Variants in CCDC50 observed in about 807,000 individuals in gnomAD.
The protein encoded by CCDC50 is coiled-coil domain containing 50, also known as coiled-coil domain-containing protein 50.
A neutral mutation model predicts 70.2 loss-of-function variants in CCDC50; 54 were observed. The observed-to-expected ratio is 0.77, with a 90% confidence interval of 0.62 to 0.96. The LOEUF (loss-of-function observed/expected upper bound fraction) is 0.96. CCDC50 is among the 50% of genes least tolerant of loss of function. CCDC50 has a pLI of 0.00. For synonymous variants in CCDC50, 216 were observed against 198.8 expected, an observed-to-expected ratio of 1.09 and a Z score of -0.73; for missense variants, 558 against 578.7, an observed-to-expected ratio of 0.96 and a Z score of 0.37.
intron 10 of CCDC50, among the ~76,000 whole-genome samples, chr3:191,388,736 A>G (rs971203918): frequency 6.6e-6 from 1 of 152,196 alleles, no homozygotes; most frequent in Non-Finnish European, 1.5e-5. Context: ...GGCCTACAGT[A>G]TGGTTATATT....
At chr3:191,331,103 T>C (rs1316291666) in intron 1 of CCDC50, among the ~76,000 whole-genome samples, 1 of 152,212 alleles carries the variant, frequency 6.6e-6, no homozygotes, top group Non-Finnish European at 1.5e-5. Flanking sequence ...AGAGATTGTC[T>C]GGTTATCCTT....
At chr3:191,353,978 A>T (rs1712189674) in intron 1 of CCDC50, among the ~76,000 whole-genome samples, 1 of 152,150 alleles carries the variant, frequency 6.6e-6, no homozygotes, top group Admixed American at 6.6e-5. Flanking sequence ...TGCTGTTGAG[A>T]TAGTAAGAAA....
chr3:191,391,013 T>A (rs1194310674), intron 11 of CCDC50, among the ~76,000 whole-genome samples: 1 of 152,254 alleles, frequency 6.6e-6, no homozygotes, highest in Non-Finnish European at 1.5e-5. Flanking sequence ...CTTCCTCATC[T>A]GCAAAATGGA....
chr3:191,391,442 CACCTCA>C (rs1713690145), intron 11 of CCDC50, among the ~76,000 whole-genome samples: 1 of 152,174 alleles, frequency 6.6e-6, no homozygotes, highest in Non-Finnish European at 1.5e-5. Flanking sequence ...CAACACATCC[CACCTCA>C]ACTTCCATCA....
chr3:191,365,401 CA>C (rs1162038619), intron 4 of CCDC50, among the ~76,000 whole-genome samples: 1 of 151,938 alleles, frequency 6.6e-6, no homozygotes, highest in Non-Finnish European at 1.5e-5. Flanking sequence ...GAGGCTAGAT[CA>C]AACAGTAATA....
At chr3:191,341,753 G>A (rs1711740502) in intron 1 of CCDC50, among the ~76,000 whole-genome samples, 8 of 152,154 alleles carry the variant, frequency 5.3e-5, no homozygotes, top group Admixed American at 5.2e-4. Context: ...TTGTGAAACT[G>A]CATGGAGAGC....
chr3:191,383,898 G>A (rs1419189107), intron 10 of CCDC50, among the ~76,000 whole-genome samples: 2 of 152,130 alleles, frequency 1.3e-5, no homozygotes, highest in Admixed American at 1.3e-4. Context: ...AGTAAAAGAA[G>A]CAGCAGCTAA....
intron 10 of CCDC50, among the ~76,000 whole-genome samples, chr3:191,385,704 G>T (rs1713468934): frequency 6.8e-6 from 1 of 147,484 alleles, no homozygotes; most frequent in African/African-American, 2.5e-5. Flanking sequence ...TTGTTTTGGG[G>T]GTCTTCTTAA....
chr3:191,340,618 C>T (rs1711687793), intron 1 of CCDC50, among the ~76,000 whole-genome samples: 2 of 152,154 alleles, frequency 1.3e-5, no homozygotes, highest in African/African-American at 4.8e-5. Context: ...TAGAATTCTA[C>T]TTTACTTTCT....
Position 191,380,877 on chromosome 3 carries a change from C to A in CCDC50, c.1187C>A (p.Ala396Asp), listed in dbSNP as rs766303798. 6 of 1,612,706 alleles carry A rather than the reference C, an allele frequency of 3.7e-6. No individual in the cohort carries two copies. Among genetic ancestry groups the A allele is most frequent in the Non-Finnish European group, 5.1e-6 (6 of 1,179,254 alleles). ...MAEEKKAYKKAKEREKSSLDK... is the reference protein window; with the variant it reads ...MAEEKKAYKKDKEREKSSLDK... ...GAAGAAAAGAAAGCTTACAAAAAAG[C>A]CAAGGAGCGGGAGAAATCATCTTTG... Residue 396 changes from alanine (A) to aspartate (D), a missense_variant, in exon 9 of 12, where the codon GCC (alanine) becomes GAC (aspartate). Coordinates refer to ENST00000392455, the MANE Select transcript of CCDC50 (RefSeq NM_178335.3).
At chr3:191,365,856 A>G (rs1048884601) in intron 4 of CCDC50, among the ~76,000 whole-genome samples, 15 of 152,218 alleles carry the variant, frequency 9.9e-5, no homozygotes, top group Non-Finnish European at 1.8e-4. Flanking sequence ...TTTAAATGAT[A>G]TAAATCATAT....
chr3:191,381,855 C>T (rs1484654488), intron 9 of CCDC50, among the ~76,000 whole-genome samples: 1 of 152,076 alleles, frequency 6.6e-6, no homozygotes, highest in African/African-American at 2.4e-5. Context: ...GGTCCCACCT[C>T]ACAGTCTCAG....
intron 3 of CCDC50, among the ~76,000 whole-genome samples, chr3:191,360,516 G>A (rs1024957971): frequency 3.3e-5 from 5 of 152,144 alleles, no homozygotes; most frequent in African/African-American, 1.2e-4. Context: ...AACTAAGTCC[G>A]TGATTTTGTG....
At position 191,333,608 on chromosome 3, in the gene CCDC50, G is replaced by A. The variant is rs527633594; in HGVS notation, c.49+3885G>A. On this transcript the variant is annotated intron_variant, in intron 1 of 11. Coordinates refer to ENST00000392455, the MANE Select transcript of CCDC50 (RefSeq NM_178335.3). Reference sequence around the variant, plus strand: ...TTGGAGCTAGGAGGTTTATGTCTTAGTTATCTTGCTGTACCCTCATTTGGA... The same window carrying A: ...TTGGAGCTAGGAGGTTTATGTCTTAATTATCTTGCTGTACCCTCATTTGGA... 2.4e-4 allele frequency among the ~76,000 whole-genome samples: 36 copies of A among 152,246 alleles called. 1 individual carries two copies. Among genetic ancestry groups the A allele is most frequent in the Non-Finnish European group, 3.8e-4 (26 of 67,974 alleles).
intron 10 of CCDC50, among the ~76,000 whole-genome samples, chr3:191,383,286 A>T (rs961034038): frequency 5.3e-5 from 8 of 152,080 alleles, no homozygotes; most frequent in Non-Finnish European, 1.0e-4. Flanking sequence ...TCTAAATCCC[A>T]CTCAACAAAT....
intron 1 of CCDC50, among the ~76,000 whole-genome samples, chr3:191,354,237 C>T (rs1576956244): frequency 6.6e-6 from 1 of 151,484 alleles, no homozygotes; most frequent in Admixed American, 6.6e-5. Context: ...TATCTTTTCT[C>T]TTTTTGCTTT....
intron 6 of CCDC50, among the ~76,000 whole-genome samples, chr3:191,377,041 A>C (rs1199894554): frequency 6.6e-6 from 1 of 152,154 alleles, no homozygotes; most frequent in East Asian, 1.9e-4. Context: ...AGGCTCCACT[A>C]CTGGAATTGC....
intron 1 of CCDC50, among the ~76,000 whole-genome samples, chr3:191,343,531 A>T (rs1711806159): frequency 6.6e-6 from 1 of 152,266 alleles, no homozygotes; most frequent in Admixed American, 6.5e-5. Context: ...TGAACAATTT[A>T]AAAACAGCAG....
intron 4 of CCDC50, among the ~76,000 whole-genome samples, chr3:191,366,887 G>C (rs1712712315): frequency 6.6e-6 from 1 of 152,012 alleles, no homozygotes; most frequent in Non-Finnish European, 1.5e-5. Flanking sequence ...AGGTGACTAA[G>C]CTGGTTAGCT....
Sources: allele counts gnomAD v4.1 joint callset (sites outside exome capture counted in the v4.1 genomes callset), GRCh38; gene constraint gnomAD v4.1.1; transcripts MANE v1.5; gene names NCBI Gene and HGNC (gene_info 2026-07-23, HGNC 2026-07-21).